The following CLTC variants were observed in gnomAD, a reference collection of about 807,000 sequenced individuals.
CLTC encodes clathrin heavy chain 1.
A neutral mutation model predicts 195.8 loss-of-function variants in CLTC; 16 were observed. The ratio of observed to expected loss-of-function variants is 0.08; its 90% confidence interval spans 0.06 to 0.12. The LOEUF (loss-of-function observed/expected upper bound fraction) is 0.12, where lower values mean the gene tolerates loss of function less well. CLTC is among the 10% of genes least tolerant of loss of function. The probability of loss-of-function intolerance (pLI) is 1.00; values close to 1 mark genes in which losing one functional copy is unlikely to be tolerated. For synonymous variants in CLTC, 667 were observed against 689.4 expected (o/e 0.97, Z 0.51); for missense variants, 796 against 2,027.0 (o/e 0.39, Z 11.66).
chr17:59,674,607 C>A (rs1279403379), intron 15 of CLTC, 94 bp from the exon 16 acceptor site: 5 of 1,147,990 alleles, frequency 4.4e-6, no homozygotes, highest in African/African-American at 3.2e-5. Flanking sequence ...GAAAAAAAAA[C>A]TGAGCTTAAA....
At chr17:59,679,676 A>G in intron 18 of CLTC, 157 bp downstream of exon 18, 1 of 428,594 alleles carries the variant, frequency 2.3e-6, no homozygotes, top group Non-Finnish European at 3.9e-6. Context: ...TATATATTCA[A>G]TTTACATTCA....
At chr17:59,677,602 A>G (rs2032994813) in intron 17 of CLTC, among the ~76,000 whole-genome samples, 1 of 152,214 alleles carries the variant, frequency 6.6e-6, no homozygotes, top group Admixed American at 6.5e-5. Context: ...AGCTTCAGTC[A>G]GTTTGACATT....
Position 59,647,465 on chromosome 17 carries a change from T to C in CLTC, c.318T>C (p.Asp106=). The C allele has an allele frequency of 6.2e-7, 1 of 1,614,012 alleles. No homozygotes were observed. Among genetic ancestry groups the C allele is most frequent in the Non-Finnish European group, 8.5e-7 (1 of 1,179,834 alleles). ...AAATGAAGGCTCATACCATGACTGA[T>C]GATGTCACCTTTTGGAAATGGATCT... ...KSKMKAHTMT[D]DVTFWKWISL... The change falls in exon 3 of 32, where the codon GAT becomes GAC. Residue 106 remains aspartate (D), a synonymous_variant. Coordinates refer to ENST00000269122, the MANE Select transcript of CLTC (RefSeq NM_004859.4).
rs919047340 is a variant in CLTC, at chr17:59,619,951, C to T, written c.-181C>T. On this transcript the variant is annotated 5_prime_UTR_variant, in exon 1 of 32. Transcript: ENST00000269122. ...TCCGCCATTGCGGCTCTCCTGGCCC[C>T]TGGAGCCTCCGCCCCCGACCCGAGC... 7.0e-5 allele frequency: 42 copies of T among 599,468 alleles called. No homozygotes were observed. Among genetic ancestry groups the T allele is most frequent in the South Asian group, 1.6e-4 (8 of 49,096 alleles). The allele number at this position is 599,468 out of a possible 1,614,324, so 37.1% of individuals were successfully genotyped here. A position where few individuals can be genotyped will look rare whatever the true frequency, so the allele number is the denominator to read the frequency against.
intron 5 of CLTC, among the ~76,000 whole-genome samples, chr17:59,652,577 A>C (rs969420607): frequency 2.2e-4 from 34 of 152,306 alleles, no homozygotes; most frequent in African/African-American, 8.2e-4. Flanking sequence ...TTGGGTGACT[A>C]TGTGCATTGT....
At chr17:59,676,345 G>A (rs2032965162) in intron 16 of CLTC, among the ~76,000 whole-genome samples, 1 of 152,192 alleles carries the variant, frequency 6.6e-6, no homozygotes, top group Admixed American at 6.5e-5. Flanking sequence ...TTCCCAATAT[G>A]TATTTAGGGT....
At chr17:59,621,539 C>G (rs2031379317) in intron 1 of CLTC, among the ~76,000 whole-genome samples, 1 of 152,166 alleles carries the variant, frequency 6.6e-6, no homozygotes, top group Admixed American at 6.5e-5. Context: ...TTTCATATTT[C>G]TTTGCAAGTA....
intron 1 of CLTC, among the ~76,000 whole-genome samples, chr17:59,641,250 A>C (rs1186692699): frequency 2.0e-5 from 3 of 152,164 alleles, no homozygotes; most frequent in African/African-American, 4.8e-5. Context: ...TCGTAGTAGA[A>C]TAACACTACA....
At chr17:59,691,912 G>A (rs544636369) in intron 31 of CLTC, among the ~76,000 whole-genome samples, 4 of 152,152 alleles carry the variant, frequency 2.6e-5, no homozygotes, top group Admixed American at 2.0e-4. Context: ...GTAATACTTT[G>A]GGGTTACCTA....
At chr17:59,684,947 T>G in intron 28 of CLTC, 109 bp from the exon 29 acceptor site, 1 of 775,138 alleles carries the variant, frequency 1.3e-6, no homozygotes, top group East Asian at 2.8e-5. Context: ...GATGCTTGAA[T>G]CTAGGTGTCA....
In CLTC at chr17:59,664,901, A is replaced by G. The variant is rs1362476486; in HGVS notation, c.1636A>G (p.Ile546Val). The change falls in exon 10 of 32, where the codon ATC (isoleucine) becomes GTC (valine). Residue 546 changes from isoleucine to valine, a missense_variant. Ile to Val is a conservative substitution (Grantham distance 29). Around this residue, in one of 9 missense-constraint regions of CLTC, gnomAD observed 293 missense variants for 795.6 expected, o/e 0.37. Transcript: ENST00000269122. ...LVQDEEPLAD[I>V]TQIVDVFMEY... Reference sequence around the variant, plus strand: ...TCAAGATGAAGAGCCTCTTGCTGACATCACACAGGTAATGTGATTAAAATA... The same window carrying G: ...TCAAGATGAAGAGCCTCTTGCTGACGTCACACAGGTAATGTGATTAAAATA... The G allele has an allele frequency of 1.2e-6, 2 of 1,614,116 alleles. No homozygotes were observed. Among genetic ancestry groups the G allele is most frequent in the South Asian group, 1.1e-5 (1 of 91,088 alleles).
Position 59,681,043 on chromosome 17 carries a change from A to G in CLTC, c.3051A>G (p.Val1017=), listed in dbSNP as rs1383411258. ...AGAAAATTGTCCTTGATAACTCTGTATTCAGTGAACACAGGTATGCTTTCA... is the reference window on the plus strand; with the variant it reads ...AGAAAATTGTCCTTGATAACTCTGTGTTCAGTGAACACAGGTATGCTTTCA... The part of the protein sequence containing the change: ...LLEKIVLDNS[V]FSEHRNLQNL... The change falls in exon 19 of 32, where the codon GTA becomes GTG. Residue 1017 remains valine (V), a synonymous_variant. Transcript: ENST00000269122. This position sits in a 1 kb window ranked among gnomAD's most constrained non-coding sequence, Gnocchi z 5.0. 1.2e-6 allele frequency: 2 copies of G among 1,613,946 alleles called. No homozygotes were observed. The highest frequency in any genetic ancestry group is 2.2e-5 in the East Asian group (1 of 44,850).
chr17:59,647,980 T>G (rs1567943504), intron 3 of CLTC, among the ~76,000 whole-genome samples: 1 of 152,218 alleles, frequency 6.6e-6, no homozygotes, highest in African/African-American at 2.4e-5. Flanking sequence ...GAGTATTTAC[T>G]GCAGAATGAA....
rs757344567 is a variant in CLTC at position 59,690,610 on chromosome 17, A to G, written c.4828-26A>G. 1.5e-5 allele frequency: 24 copies of G among 1,552,510 alleles called. 1 individual carries two copies. In the Middle Eastern group the frequency reaches 5.0e-4, roughly 33 times the overall value. ...AGGTTTATAATACTTTTGGGGTGCT[A>G]ATTAACATGATGTGTTTTTCTCCAG... On this transcript the variant is annotated intron_variant, in intron 30 of 31. Transcript: ENST00000269122.
At chr17:59,642,932 G>T (rs1222456161) in intron 1 of CLTC, among the ~76,000 whole-genome samples, 2 of 152,112 alleles carry the variant, frequency 1.3e-5, no homozygotes, top group Non-Finnish European at 2.9e-5. Context: ...ATCTTATTCA[G>T]AGCCTGGCCT....
chr17:59,620,285 G>T, intron 1 of CLTC, 112 bp downstream of exon 1: 2 of 1,047,178 alleles, frequency 1.9e-6, no homozygotes, highest in Non-Finnish European at 3.0e-6. Flanking sequence ...GGGGGTTGTC[G>T]GTGATTGGGG....
At chr17:59,676,794 A>G (rs2032975649) in intron 16 of CLTC, among the ~76,000 whole-genome samples, 160 bp from the exon 17 acceptor site, 1 of 152,178 alleles carries the variant, frequency 6.6e-6, no homozygotes, top group Non-Finnish European at 1.5e-5. Flanking sequence ...GTGAATAGCC[A>G]CTGCACTTCA....
chr17:59,644,175 T>C lies in CLTC; in HGVS notation c.43-101T>C, dbSNP rs76405328. 3,244 of 859,718 alleles carry C rather than the reference T, an allele frequency of 3.8e-3. 46 individuals carry two copies. The highest frequency in any genetic ancestry group is 0.03 in the East Asian group (1,159 of 38,730). 53.3% of individuals were successfully genotyped at this position (859,718 alleles called of 1,614,324 possible). On this transcript the variant is annotated intron_variant, in intron 1 of 31. Coordinates refer to ENST00000269122, the MANE Select transcript of CLTC (RefSeq NM_004859.4). ...CATAATGTAGATGTTATTGTGACCT[T>C]GAAGCATTAATGTTAAGTGAGGATT... is the stretch of plus-strand genomic sequence containing the variant.
chr17:59,682,353 C>T lies in CLTC; in HGVS notation c.3525C>T (p.Phe1175=), dbSNP rs781608351. 24 of 1,613,914 alleles carry T rather than the reference C, an allele frequency of 1.5e-5. No individual in the cohort carries two copies. Among genetic ancestry groups the T allele is most frequent in the African/African-American group, 2.7e-5 (2 of 74,910 alleles). The change falls in exon 22 of 32, where the codon TTC becomes TTT. Residue 1175 remains phenylalanine (F), a synonymous_variant. Transcript: ENST00000269122. The surrounding 1 kb of genome is among the most constrained non-coding windows in gnomAD (Gnocchi z 6.8). ...RESYVETELI[F]ALAKTNRLAE... is the part of the protein sequence containing the mutation. ...CCTATGTGGAGACAGAACTGATATT[C>T]GCACTGGCTAAAACAAACCGCCTTG...
Sources: gnomAD v4.1 joint callset for allele counts (sites outside exome capture counted in the v4.1 genomes callset) on GRCh38, gnomAD v4.1.1 for gene constraint, gnomAD v4.1.1 regional missense constraint, Gnocchi (gnomAD v3.1) non-coding constraint, MANE v1.5 for transcripts, NCBI Gene and HGNC (gene_info 2026-07-23, HGNC 2026-07-21) for gene names.